Variants in TLN2 observed in about 807,000 individuals in gnomAD.
The protein encoded by TLN2 is talin-2.
A neutral mutation model predicts 294.7 loss-of-function variants in TLN2; 118 were observed. The observed-to-expected ratio is 0.40, with a 90% CI of 0.34 to 0.47. The LOEUF (loss-of-function observed/expected upper bound fraction) is 0.47, where lower values mean the gene tolerates loss of function less well. Among genes scored for constraint, TLN2 ranks in the 20% least tolerant of loss-of-function variants. The pLI is 0.84. For synonymous variants in TLN2, 1,431 were observed against 1,304.5 expected, an observed-to-expected ratio of 1.10 and a Z score of -2.09; for missense variants, 3,083 against 3,282.2, an observed-to-expected ratio of 0.94 and a Z score of 1.48.
At chr15:62,832,657 G>C (rs1378330933) in intron 54 of TLN2, 1 of 152,218 alleles carries the variant, frequency 6.6e-6, no homozygotes, top group Non-Finnish European at 1.5e-5. Flanking sequence ...TGCCTCGGGT[G>C]TCCAGAGGAC....
At chr15:62,697,044 T>C (rs1425424495) in intron 14 of TLN2, among the ~76,000 whole-genome samples, 2 of 152,222 alleles carry the variant, frequency 1.3e-5, no homozygotes, top group Admixed American at 6.5e-5. Flanking sequence ...AAAAATAATA[T>C]ATCAACATAT....
At chr15:62,837,500 G>A (rs1242302934) in intron 57 of TLN2, among the ~76,000 whole-genome samples, 6 of 152,168 alleles carry the variant, frequency 3.9e-5, no homozygotes, top group Non-Finnish European at 8.8e-5. Context: ...ATATGACAGT[G>A]CTTTGTTAGG....
chr15:62,810,344 C>T (rs1237560200), intron 52 of TLN2, among the ~76,000 whole-genome samples: 1 of 152,170 alleles, frequency 6.6e-6, no homozygotes, highest in African/African-American at 2.4e-5. Flanking sequence ...CGGCCAGTGC[C>T]AACCTGAAAA....
At chr15:62,834,718 T>C (rs997869995) in intron 55 of TLN2, 4 of 152,220 alleles carry the variant, frequency 2.6e-5, no homozygotes, top group African/African-American at 9.6e-5. Flanking sequence ...TTGTCCGTCC[T>C]GTACTCAGCA....
At position 62,774,741 on chromosome 15, in the gene TLN2, A is replaced by T. The variant is rs146145583; in HGVS notation, c.5368-2023A>T. Among the ~76,000 whole-genome samples, 249 of 152,228 alleles carry T rather than the reference A, an allele frequency of 1.6e-3. 5 individuals are homozygous for T. In the East Asian group the frequency reaches 0.041, roughly 25 times the overall value. On this transcript the variant is annotated intron_variant, in intron 42 of 58. Transcript: ENST00000636159. ...ATTTCTGGGATAGCCAAGAGCAAGG[A>T]TATGCTTTTATAGATTTCAGTGACC...
intron 3 of TLN2, among the ~76,000 whole-genome samples, chr15:62,631,594 A>ACT (rs766957549): frequency 6.7e-5 from 5 of 74,210 alleles, no homozygotes; most frequent in South Asian, 4.8e-4. Flanking sequence ...CTCTTCTTTC[A>ACT]CTCTCTCTCT....
At chr15:62,437,140 T>C (rs1250180142) in intron 1 of TLN2, among the ~76,000 whole-genome samples, 1 of 152,264 alleles carries the variant, frequency 6.6e-6, no homozygotes, top group Admixed American at 6.5e-5. Context: ...TTGCACAGTT[T>C]TGTTTCATCT....
At chr15:62,473,693 T>A (rs1166489860) in intron 1 of TLN2, among the ~76,000 whole-genome samples, 1 of 152,256 alleles carries the variant, frequency 6.6e-6, no homozygotes. Context: ...TCAAAGGTCA[T>A]ACTTCTCTTT....
chr15:62,781,344 A>G (rs2064149875), intron 44 of TLN2, 103 bp downstream of exon 44: 3 of 843,618 alleles, frequency 3.6e-6, no homozygotes, highest in Non-Finnish European at 5.7e-6. Context: ...GAGAGCCCAG[A>G]CCACTCTCTA....
chr15:62,683,992 C>G (rs1314266508), intron 11 of TLN2: 2 of 152,312 alleles, frequency 1.3e-5, no homozygotes, highest in Non-Finnish European at 2.9e-5. Flanking sequence ...CTTTCTCCAG[C>G]TGCTCTGCGT....
chr15:62,506,697 G>A (rs191122995), intron 1 of TLN2, among the ~76,000 whole-genome samples: 11 of 152,312 alleles, frequency 7.2e-5, no homozygotes, highest in Admixed American at 3.3e-4. Flanking sequence ...AGAAGCAGGC[G>A]TTGCTCTGAA....
chr15:62,752,444 G>A lies in TLN2; in HGVS notation c.4332+17G>A, dbSNP rs754459320. On this transcript the variant is annotated intron_variant, in intron 35 of 58. Transcript: ENST00000636159. ...GCAGCCCAGGTAAGGGGCTAGTCCCGATGCAGCCATGTGCCCTGTGCCAGA... is the reference window on the plus strand; with the variant it reads ...GCAGCCCAGGTAAGGGGCTAGTCCCAATGCAGCCATGTGCCCTGTGCCAGA... The A allele has an allele frequency of 3.1e-6, 5 of 1,613,440 alleles. No homozygotes were observed. Among genetic ancestry groups the A allele is most frequent in the South Asian group, 1.1e-5 (1 of 90,974 alleles).
At chr15:62,653,758 AAAG>A (rs67284366) in intron 7 of TLN2, among the ~76,000 whole-genome samples, 42,721 of 151,444 alleles carry the variant, frequency 0.28, 6,600 homozygotes, top group East Asian at 0.63. Flanking sequence ...TAAAAAAAAA[AAAG>A]TAATTGTAAT....
chr15:62,797,272 T>A lies in TLN2; in HGVS notation c.6104T>A (p.Val2035Glu), dbSNP rs1213874076. The change falls in exon 48 of 59, where the codon GTG becomes GAG. Residue 2035 changes from valine to glutamate, a missense_variant. By Grantham distance (121) the Val-to-Glu change is moderately radical. Transcript: ENST00000636159. ...TTGGTAGAAGACACGAAACTACTTG[T>A]GTCAGGAGCTGCGTCCACTCCTGAC... is the stretch of plus-strand genomic sequence containing the variant. ...KALVEDTKLLVSGAASTPDKL... is the reference protein window; with the variant it reads ...KALVEDTKLLESGAASTPDKL... 1 of 1,613,934 alleles carries A rather than the reference T, an allele frequency of 6.2e-7. No individual in the cohort carries two copies. Among genetic ancestry groups the A allele is most frequent in the Admixed American group, 1.7e-5 (1 of 60,006 alleles).
rs796411194 is a variant in TLN2 at position 62,714,830 on chromosome 15, A to G, written c.2635-1501A>G. ...AAAATTAGTACCCCATATCTGATAC[A>G]TATTCATCATAAAAAAAGACATTGC... is the stretch of plus-strand genomic sequence containing the variant. On this transcript the variant is annotated intron_variant, in intron 22 of 58. Transcript: ENST00000636159. 5.9e-5 allele frequency among the ~76,000 whole-genome samples: 9 copies of G among 151,946 alleles called. No homozygotes were observed. The South Asian group carries it at 1.2e-3, about 21-fold the overall frequency.
At chr15:62,826,665 C>G (rs571443376) in intron 54 of TLN2, among the ~76,000 whole-genome samples, 1 of 152,106 alleles carries the variant, frequency 6.6e-6, no homozygotes, top group Non-Finnish European at 1.5e-5. Flanking sequence ...CCTCAAGGCA[C>G]CTCTCAGTTC....
intron 1 of TLN2, among the ~76,000 whole-genome samples, chr15:62,396,204 C>G (rs1158589468): frequency 1.3e-5 from 2 of 152,208 alleles, no homozygotes; most frequent in Non-Finnish European, 2.9e-5. Context: ...ACACCCAAAA[C>G]TTAAATATTG....
At chr15:62,545,717 T>C (rs555257186) in intron 1 of TLN2, among the ~76,000 whole-genome samples, 182 of 152,300 alleles carry the variant, frequency 1.2e-3, no homozygotes, top group African/African-American at 3.3e-3. Context: ...TCTGTGTGCA[T>C]TGGTGAAATT....
At chr15:62,445,682 G>T (rs888483217) in intron 1 of TLN2, among the ~76,000 whole-genome samples, 1 of 152,022 alleles carries the variant, frequency 6.6e-6, no homozygotes, top group Non-Finnish European at 1.5e-5. Flanking sequence ...GGTGTTGGGG[G>T]AGACAGGGTC....
Sources: allele counts gnomAD v4.1 joint callset (sites outside exome capture counted in the v4.1 genomes callset), GRCh38; gene constraint gnomAD v4.1.1; transcripts MANE v1.5; gene names NCBI Gene and HGNC (gene_info 2026-07-23, HGNC 2026-07-21).